The following TGFBR1 variants were observed in gnomAD, a reference collection of about 807,000 sequenced individuals.
TGFBR1 encodes transforming growth factor beta receptor 1.
Under a neutral mutation model 55.1 loss-of-function variants are expected in TGFBR1, and 20 were observed. The observed-to-expected ratio is 0.36, with a 90% CI of 0.26 to 0.53. TGFBR1 has a LOEUF of 0.53. Among genes scored for constraint, TGFBR1 ranks in the 20% least tolerant of loss-of-function variants. TGFBR1 has a pLI of 0.91. For synonymous variants in TGFBR1, 220 were observed against 214.8 expected (o/e 1.02, Z -0.21); for missense variants, 385 against 617.6 (o/e 0.62, Z 3.99).
chr9:99,138,090 G>A lies in TGFBR1; in HGVS notation c.805+1G>A, dbSNP rs1827497991. 3 of 1,612,538 alleles carry A rather than the reference G, an allele frequency of 1.9e-6. No homozygotes were observed. Among genetic ancestry groups the A allele is most frequent in the Non-Finnish European group, 2.5e-6 (3 of 1,178,756 alleles). On this transcript the variant is annotated splice_donor_variant, in intron 4 of 8. Coordinates refer to ENST00000374994, the MANE Select transcript of TGFBR1 (RefSeq NM_004612.4). LOFTEE classifies it high-confidence loss of function. Reference sequence around the variant, plus strand: ...GGATTTATAGCAGCAGACAATAAAGGTCTGTAACATTTGCTTTTCCTTATG... The same window carrying A: ...GGATTTATAGCAGCAGACAATAAAGATCTGTAACATTTGCTTTTCCTTATG...
chr9:99,142,821 G>A, intron 5 of TGFBR1, 118 bp downstream of exon 5: 1 of 1,140,204 alleles, frequency 8.8e-7, no homozygotes, highest in South Asian at 1.3e-5. Context: ...CACTTTGGGA[G>A]GCTGAGGTGG....
At chr9:99,125,113 T>G (rs1212018766) in intron 1 of TGFBR1, among the ~76,000 whole-genome samples, 1 of 152,226 alleles carries the variant, frequency 6.6e-6, no homozygotes, top group Non-Finnish European at 1.5e-5. Flanking sequence ...AATTCCATTT[T>G]AAATGTGTTT....
At chr9:99,118,473 AT>A (rs1249312833) in intron 1 of TGFBR1, among the ~76,000 whole-genome samples, 2 of 152,078 alleles carry the variant, frequency 1.3e-5, no homozygotes, top group East Asian at 1.9e-4. Context: ...TTATTTCAGA[AT>A]TTTTTTTAAA....
At chr9:99,143,141 T>G (rs1017280250) in intron 5 of TGFBR1, among the ~76,000 whole-genome samples, 2 of 152,222 alleles carry the variant, frequency 1.3e-5, no homozygotes, top group African/African-American at 4.8e-5. Flanking sequence ...ACATTTTATC[T>G]TTCAGTTCAA....
intron 1 of TGFBR1, among the ~76,000 whole-genome samples, chr9:99,106,161 A>G (rs1167932034): frequency 6.6e-6 from 1 of 152,232 alleles, no homozygotes; most frequent in Admixed American, 6.5e-5. Context: ...TCCTCGAAGG[A>G]ACATCACTCA....
chr9:99,123,451 G>A (rs926366975), intron 1 of TGFBR1, among the ~76,000 whole-genome samples: 2 of 152,056 alleles, frequency 1.3e-5, no homozygotes, highest in African/African-American at 2.4e-5. Flanking sequence ...AGTCAAAACT[G>A]TAGGAGTCTA....
chr9:99,142,894 A>G (rs1260616429), intron 5 of TGFBR1, among the ~76,000 whole-genome samples, 191 bp downstream of exon 5: 5 of 152,100 alleles, frequency 3.3e-5, no homozygotes, highest in African/African-American at 9.7e-5. Context: ...CCGCATCTCT[A>G]CCAACATACA....
rs372413948 is a variant in TGFBR1, at chr9:99,149,062, G to T, written c.1387-118G>T. 3 of 1,076,856 alleles carry T rather than the reference G, an allele frequency of 2.8e-6. No individual in the cohort carries two copies. In the South Asian group the frequency reaches 4.4e-5, roughly 16 times the overall value. 66.7% of individuals were successfully genotyped at this position (1,076,856 alleles called of 1,614,324 possible). ...CTACTCATTTGCTATTACAAATAATGCTTAAACAATAACAAGTGTATATGT... is the reference window on the plus strand; with the variant it reads ...CTACTCATTTGCTATTACAAATAATTCTTAAACAATAACAAGTGTATATGT... On this transcript the variant is annotated intron_variant, in intron 8 of 8. Coordinates refer to ENST00000374994, the MANE Select transcript of TGFBR1 (RefSeq NM_004612.4).
intron 5 of TGFBR1, among the ~76,000 whole-genome samples, chr9:99,143,040 TAGAG>T (rs369399949): frequency 3.9e-4 from 60 of 151,978 alleles, no homozygotes; most frequent in African/African-American, 1.3e-3. Flanking sequence ...AGCTGAGTAA[TAGAG>T]AGAGACCCTG....
At position 99,142,633 on chromosome 9, in the gene TGFBR1, A is replaced by G. The variant is rs1382366587; in HGVS notation, c.903A>G (p.Gly301=). Residue 301 remains glycine, a synonymous_variant, in exon 5 of 9, where the codon GGA becomes GGG. Transcript: ENST00000374994. ...YLNRYTVTVE[G]MIKLALSTAS... is the part of the protein sequence containing the mutation. ...ACAGATACACAGTTACTGTGGAAGG[A>G]ATGATAAAACTTGCTCTGTCCACGG... is the stretch of plus-strand genomic sequence containing the variant. The G allele has an allele frequency of 6.2e-7, 1 of 1,614,096 alleles. No individual in the cohort carries two copies. Among genetic ancestry groups the G allele is most frequent in the South Asian group, 1.1e-5 (1 of 91,080 alleles).
At chr9:99,118,710 A>C (rs900959913) in intron 1 of TGFBR1, among the ~76,000 whole-genome samples, 5 of 141,868 alleles carry the variant, frequency 3.5e-5, no homozygotes, top group African/African-American at 1.3e-4. Context: ...CTGTGGCCTG[A>C]TCATGGCTCA....
Position 99,149,820 on chromosome 9 carries a change from T to C in TGFBR1, c.*515T>C, listed in dbSNP as rs1827928377. ...AACTAACACTTATAAAACTCTTATC[T>C]TGAGTCTAAAAATGACCTCATATAG... On this transcript the variant is annotated 3_prime_UTR_variant, in exon 9 of 9. Transcript: ENST00000374994. 1 of 227,486 alleles carries C rather than the reference T, an allele frequency of 4.4e-6. No homozygotes were observed. The highest frequency in any genetic ancestry group is 8.8e-6 in the Non-Finnish European group (1 of 113,574). The allele number at this position is 227,486 out of a possible 1,614,324, so 14.1% of individuals were successfully genotyped here. A position where few individuals can be genotyped will look rare whatever the true frequency, so the allele number is the denominator to read the frequency against.
Position 99,146,611 on chromosome 9 carries a change from T to G in TGFBR1, c.1255+2T>G. On this transcript the variant is annotated splice_donor_variant, in intron 7 of 8. Transcript: ENST00000374994. LOFTEE classifies it high-confidence loss of function. The stretch of plus-strand genomic sequence containing the variant: ...TTGCTCGACGATGTTCCATTGGTGG[T>G]AAATTGCTCTCCTCTCCCCCAGTAG... 3.1e-6 allele frequency: 5 copies of G among 1,613,938 alleles called. No homozygotes were observed. Among genetic ancestry groups the G allele is most frequent in the Non-Finnish European group, 4.2e-6 (5 of 1,179,842 alleles).
At chr9:99,141,714 G>GT (rs1827620929) in intron 4 of TGFBR1, among the ~76,000 whole-genome samples, 3 of 152,136 alleles carry the variant, frequency 2.0e-5, no homozygotes, top group Non-Finnish European at 2.9e-5. Context: ...TAAGCATGTG[G>GT]TTTTCCAGCT....
intron 4 of TGFBR1, among the ~76,000 whole-genome samples, chr9:99,141,054 G>A (rs1365904831): frequency 1.3e-5 from 2 of 151,994 alleles, no homozygotes; most frequent in Non-Finnish European, 2.9e-5. Context: ...TCCACCCCCG[G>A]CAGCCCTTTA....
At chr9:99,142,003 C>A (rs909391113) in intron 4 of TGFBR1, among the ~76,000 whole-genome samples, 1 of 152,202 alleles carries the variant, frequency 6.6e-6, no homozygotes, top group Admixed American at 6.5e-5. Context: ...TCTTGTCTTG[C>A]GTCTTTGTGA....
At chr9:99,134,371 G>A (rs1827354317) in intron 3 of TGFBR1, among the ~76,000 whole-genome samples, 1 of 152,192 alleles carries the variant, frequency 6.6e-6, no homozygotes, top group Non-Finnish European at 1.5e-5. Context: ...GTGCAAGGAA[G>A]ACAATGAGAG....
At chr9:99,110,115 T>A (rs181202118) in intron 1 of TGFBR1, among the ~76,000 whole-genome samples, 4 of 152,316 alleles carry the variant, frequency 2.6e-5, no homozygotes, top group African/African-American at 9.6e-5. Context: ...TAATTATTCA[T>A]CTCAGACATC....
chr9:99,117,046 C>T (rs1168713462), intron 1 of TGFBR1, among the ~76,000 whole-genome samples: 1 of 152,112 alleles, frequency 6.6e-6, no homozygotes, highest in Admixed American at 6.5e-5. Context: ...AGACTGCAAC[C>T]ACAATTTAAC....
Sources: allele counts gnomAD v4.1 joint callset (sites outside exome capture counted in the v4.1 genomes callset), GRCh38; gene constraint gnomAD v4.1.1; transcripts MANE v1.5; gene names NCBI Gene and HGNC (gene_info 2026-07-23, HGNC 2026-07-21).